Variants in TUBGCP3 observed in about 807,000 individuals in gnomAD.
TUBGCP3 encodes gamma-tubulin complex component 3.
In TUBGCP3, 50 loss-of-function variants were observed where a neutral mutation model predicts 123.1. The ratio of observed to expected loss-of-function variants is 0.41; its 90% CI spans 0.32 to 0.51. The LOEUF is 0.51. TUBGCP3 is among the 20% of genes least tolerant of loss of function. The pLI, the probability that TUBGCP3 is intolerant of heterozygous loss-of-function variation, is 0.36. For missense variants in TUBGCP3, 882 were observed against 1,127.0 expected (o/e 0.78, Z 3.11); for synonymous variants, 405 against 413.9 (o/e 0.98, Z 0.26).
rs1881210178 is a variant in TUBGCP3 at position 112,569,156 on chromosome 13, T to C, written c.180A>G (p.Lys60=). Residue 60 remains lysine, a synonymous_variant, in exon 2 of 22, where the codon AAA becomes AAG. Transcript: ENST00000261965. ...DEFLVAEKIK[K]ELIRQRREAD... ...ACATTTAAGAAAAATACGTACGCTC[T>C]TTCTTGATTTTTTCAGCTACTAAAA... The C allele has an allele frequency of 6.2e-7, 1 of 1,614,034 alleles. No homozygotes were observed. Among genetic ancestry groups the C allele is most frequent in the Admixed American group, 1.7e-5 (1 of 60,006 alleles).
chr13:112,577,443 C>T (rs1225167351), intron 1 of TUBGCP3, among the ~76,000 whole-genome samples: 1 of 151,942 alleles, frequency 6.6e-6, no homozygotes, highest in Non-Finnish European at 1.5e-5. Context: ...CTACTAATAA[C>T]CTTTAATCCT....
chr13:112,511,731 G>C lies in TUBGCP3; in HGVS notation c.2086+4709C>G, dbSNP rs1188056530. Among the ~76,000 whole-genome samples the C allele has an allele frequency of 6.6e-6, 1 of 152,048 alleles. No individual in the cohort carries two copies. The highest frequency in any genetic ancestry group is 1.9e-4 in the East Asian group (1 of 5,186). On this transcript the variant is annotated intron_variant, in intron 17 of 21. Transcript: ENST00000261965. The surrounding 1 kb of genome is among the most constrained non-coding windows in gnomAD (Gnocchi z 4.1). ...ATTTACCTTATTATTCGATATATTG[G>C]GCCAAAACCAAATTTGGGCCAATCC...
At chr13:112,494,769 G>T (rs1880413916) in intron 20 of TUBGCP3, among the ~76,000 whole-genome samples, 1 of 152,206 alleles carries the variant, frequency 6.6e-6, no homozygotes, top group Non-Finnish European at 1.5e-5. Flanking sequence ...ATTTTAACTG[G>T]GGTGGGATGA....
chr13:112,579,446 C>T (rs1882115603), intron 1 of TUBGCP3, among the ~76,000 whole-genome samples: 5 of 151,788 alleles, frequency 3.3e-5, no homozygotes, highest in Admixed American at 2.6e-4. Context: ...CCCTGCAGCT[C>T]TCCCACACTG....
intron 20 of TUBGCP3, among the ~76,000 whole-genome samples, chr13:112,492,827 G>C (rs920748165): frequency 1.3e-5 from 2 of 151,412 alleles, no homozygotes; most frequent in African/African-American, 4.9e-5. Context: ...CTGGCTATGG[G>C]AACATGGCCT....
At position 112,504,040 on chromosome 13, in the gene TUBGCP3, C is replaced by T. The variant is rs1881108076; in HGVS notation, c.2299G>A (p.Asp767Asn). ...TIISRCLLDSDSRALLNQLRA... is the reference protein window; with the variant it reads ...TIISRCLLDSNSRALLNQLRA... ...GCAGGTCGGAGTCTTACCCTGGAGT[C>T]ACTGTCCAGCAGGCAGCGGGAGATG... The change falls in exon 19 of 22, where the codon GAC (aspartate) becomes AAC (asparagine). Residue 767 changes from aspartate to asparagine, a missense_variant. Physicochemically the swap from Asp to Asn is conservative, Grantham distance 23 (BLOSUM62 1). Coordinates refer to ENST00000261965, the MANE Select transcript of TUBGCP3 (RefSeq NM_006322.6). The T allele has an allele frequency of 1.2e-6, 2 of 1,611,652 alleles. No individual in the cohort carries two copies. The highest frequency in any genetic ancestry group is 1.3e-5 in the African/African-American group (1 of 74,984).
chr13:112,520,421 T>C (rs541467795), intron 14 of TUBGCP3, among the ~76,000 whole-genome samples: 92 of 152,062 alleles, frequency 6.1e-4, no homozygotes, highest in African/African-American at 2.0e-3. Flanking sequence ...CCCAGCTACT[T>C]TGGAGGCTGA....
chr13:112,486,724 A>G (rs1173949073), intron 21 of TUBGCP3, among the ~76,000 whole-genome samples: 2 of 152,226 alleles, frequency 1.3e-5, no homozygotes, highest in Admixed American at 6.5e-5. Context: ...CCTAACTCTG[A>G]TAAGACGAAA....
chr13:112,530,420 G>GA (rs1277009754), intron 11 of TUBGCP3, among the ~76,000 whole-genome samples: 14 of 152,148 alleles, frequency 9.2e-5, no homozygotes, highest in Non-Finnish European at 1.5e-4. Context: ...TTCTTCCCAG[G>GA]AAAAAATCGC....
chr13:112,595,857 TTC>T, the TUBGCP3 span, among the ~76,000 whole-genome samples: 4 of 152,212 alleles, frequency 2.6e-5, no homozygotes, highest in South Asian at 2.1e-4. Context: ...TTTCTATTCA[TTC>T]TCTGTTTTCC....
At chr13:112,543,570 A>G (rs972252917) in intron 11 of TUBGCP3, among the ~76,000 whole-genome samples, 2 of 152,220 alleles carry the variant, frequency 1.3e-5, no homozygotes, top group African/African-American at 4.8e-5. Flanking sequence ...ATTTCAAACC[A>G]TAGAGTCATT....
rs1012315165 is a variant in TUBGCP3, at chr13:112,558,316, T to C, written c.428A>G (p.Tyr143Cys). 1.2e-5 allele frequency: 20 copies of C among 1,613,836 alleles called. No individual in the cohort carries two copies. Among genetic ancestry groups the C allele is most frequent in the Non-Finnish European group, 1.6e-5 (19 of 1,180,024 alleles). The part of the protein sequence containing the change: ...YARPQTLPLS[Y>C]QDRSAQSAQS... ...GGCTGACTGGGCACTCCGATCTTGG[T>C]AGCTCAGGGGAAGGGTCTGAGGCCT... Residue 143 changes from tyrosine to cysteine, a missense_variant, in exon 5 of 22, where the codon TAC becomes TGC. Transcript: ENST00000261965.
chr13:112,605,487 C>T, the TUBGCP3 span: 1 of 152,298 alleles, frequency 6.6e-6, no homozygotes, highest in Admixed American at 6.5e-5. Flanking sequence ...CCTGGAGAGC[C>T]CTTAGTCCAC....
At chr13:112,547,822 C>T in intron 9 of TUBGCP3, 70 bp from the exon 10 acceptor site, 2 of 1,342,344 alleles carry the variant, frequency 1.5e-6, no homozygotes, top group Non-Finnish European at 1.9e-6. Flanking sequence ...TAATCTATAT[C>T]AAGTGAACAT....
chr13:112,592,095 C>T (rs114817466), upstream of TUBGCP3, among the ~76,000 whole-genome samples: 37 of 152,276 alleles, frequency 2.4e-4, no homozygotes, highest in African/African-American at 8.4e-4. The surrounding 1 kb of genome is among the most constrained non-coding windows in gnomAD (Gnocchi z 4.1). Context: ...AACATCTGGA[C>T]TCTGTGATAA....
chr13:112,558,349 T>C lies in TUBGCP3; in HGVS notation c.395A>G (p.Tyr132Cys), dbSNP rs1352177095. The C allele has an allele frequency of 1.2e-6, 2 of 1,610,496 alleles. No homozygotes were observed. The highest frequency in any genetic ancestry group is 1.7e-6 in the Non-Finnish European group (2 of 1,177,156). The change falls in exon 5 of 22, where the codon TAC becomes TGC. Residue 132 changes from tyrosine (Y) to cysteine (C), a missense_variant. By Grantham distance (194) the Tyr-to-Cys change is radical. This residue lies in a region of TUBGCP3 where 713 missense variants were observed against 874.0 expected (regional missense o/e 0.82). Transcript: ENST00000261965. ...LPRDAHSTPYYYARPQTLPLS... is the reference protein window; with the variant it reads ...LPRDAHSTPYCYARPQTLPLS... ...GGGAAGGGTCTGAGGCCTGGCATAG[T>C]AGTAAGGGGTTGAGTGGGCATCTCT...
rs761574308 is a variant in TUBGCP3 at position 112,554,007 on chromosome 13, C to T, written c.966+50G>A. On this transcript the variant is annotated intron_variant, in intron 8 of 21. Transcript: ENST00000261965. ...ACAGTAAGATTTCAACTAGAGTAAG[C>T]GTTTCCCAAAGTGCGCAGCATCCCA... 33 of 1,586,868 alleles carry T rather than the reference C, an allele frequency of 2.1e-5. No individual in the cohort carries two copies. In the Admixed American group the frequency reaches 2.8e-4, roughly 14 times the overall value.
intron 19 of TUBGCP3, among the ~76,000 whole-genome samples, chr13:112,503,641 T>C (rs550851106): frequency 6.6e-6 from 1 of 152,324 alleles, no homozygotes; most frequent in African/African-American, 2.4e-5. Flanking sequence ...GTGCTGGGAT[T>C]ACAAGCATGA....
intron 1 of TUBGCP3, among the ~76,000 whole-genome samples, chr13:112,573,082 G>A (rs566905046): frequency 6.6e-6 from 1 of 151,356 alleles, no homozygotes; most frequent in Non-Finnish European, 1.5e-5. Context: ...AAAACAAAAA[G>A]GAGACAAACA....
Sources: allele counts gnomAD v4.1 joint callset (sites outside exome capture counted in the v4.1 genomes callset), GRCh38; gene constraint gnomAD v4.1.1; regional missense constraint gnomAD v4.1.1; non-coding constraint Gnocchi (gnomAD v3.1); transcripts MANE v1.5; gene names NCBI Gene and HGNC (gene_info 2026-07-23, HGNC 2026-07-21).